EDARADD: variants seen among roughly 807,000 people sequenced by gnomAD.
EDARADD encodes EDAR associated via death domain, also known as ectodysplasin-A receptor-associated adapter protein.
Under a neutral mutation model 25.6 loss-of-function variants are expected in EDARADD, and 20 were observed. That is an observed-to-expected ratio of 0.78 (90% CI 0.55 to 1.14). The LOEUF (loss-of-function observed/expected upper bound fraction) is 1.14. Ranked by LOEUF, EDARADD falls within the 50% of genes most tolerant of loss-of-function variation. The probability of loss-of-function intolerance (pLI) is 0.00; values close to 1 mark genes in which losing one functional copy is unlikely to be tolerated. For synonymous variants in EDARADD, 86 were observed against 94.4 expected, an observed-to-expected ratio of 0.91 and a Z score of 0.52; for missense variants, 225 against 270.1, an observed-to-expected ratio of 0.83 and a Z score of 1.17.
chr1:236,376,788 T>C (rs1033093908), intron 3 of EDARADD, among the ~76,000 whole-genome samples: 1 of 152,204 alleles, frequency 6.6e-6, no homozygotes, highest in African/African-American at 2.4e-5. Flanking sequence ...CCTTCTGATA[T>C]TCTCATTATG....
At chr1:236,358,479 G>A (rs1242359102) in intron 3 of EDARADD, among the ~76,000 whole-genome samples, 1 of 152,210 alleles carries the variant, frequency 6.6e-6, no homozygotes, top group Admixed American at 6.5e-5. Context: ...TAGTTGTGAT[G>A]TTAAGGGGTC....
intron 3 of EDARADD, among the ~76,000 whole-genome samples, chr1:236,423,173 G>C (rs1171950412): frequency 6.6e-6 from 1 of 152,156 alleles, no homozygotes; most frequent in Non-Finnish European, 1.5e-5. Flanking sequence ...AATTTACATT[G>C]AGCTGACTTG....
At chr1:236,358,777 T>G (rs1667012393) in intron 3 of EDARADD, among the ~76,000 whole-genome samples, 1 of 152,186 alleles carries the variant, frequency 6.6e-6, no homozygotes, top group African/African-American at 2.4e-5. Context: ...TGCTGAGGAG[T>G]GATTTACTTC....
At chr1:236,372,363 A>G (rs1667182924) in intron 3 of EDARADD, among the ~76,000 whole-genome samples, 1 of 152,214 alleles carries the variant, frequency 6.6e-6, no homozygotes, top group Admixed American at 6.5e-5. Context: ...ATGTTGCAAT[A>G]GGTTACATTA....
chr1:236,453,278 C>CTTTTTT (rs71672500), intron 4 of EDARADD, among the ~76,000 whole-genome samples: 6 of 133,884 alleles, frequency 4.5e-5, no homozygotes, highest in Non-Finnish European at 6.4e-5. Flanking sequence ...TTCTTTTTTT[C>CTTTTTT]TTTTTTTTTT....
chr1:236,484,502 T>C lies in EDARADD; in HGVS notation c.*1853T>C. 1 of 1,564,482 alleles carries C rather than the reference T, an allele frequency of 6.4e-7. No individual in the cohort carries two copies. The highest frequency in any genetic ancestry group is 8.8e-7 in the Non-Finnish European group (1 of 1,140,644). ...GCAGGCAAGCCCTTCAGTCACCTGG[T>C]GGCTAATTAGACCCCTCCCCTTGTG... On this transcript the variant is annotated 3_prime_UTR_variant, in exon 6 of 6. Transcript: ENST00000334232. The surrounding 1 kb of genome is among the most constrained non-coding windows in gnomAD (Gnocchi z 4.1).
chr1:236,458,931 C>G (rs956752215), intron 4 of EDARADD, among the ~76,000 whole-genome samples: 1 of 151,758 alleles, frequency 6.6e-6, no homozygotes, highest in Non-Finnish European at 1.5e-5. Context: ...CGTGAGCCAC[C>G]GCCCCCAGCC....
chr1:236,469,546 A>G (rs1410365511), intron 5 of EDARADD, among the ~76,000 whole-genome samples: 1 of 152,166 alleles, frequency 6.6e-6, no homozygotes, highest in Admixed American at 6.6e-5. Context: ...CATCTTGTAA[A>G]GCATACATTG....
chr1:236,431,907 G>A (rs1225054041), intron 4 of EDARADD, among the ~76,000 whole-genome samples: 1 of 128,202 alleles, frequency 7.8e-6, no homozygotes, highest in African/African-American at 3.1e-5. Context: ...CGACCTGGGC[G>A]ACAGAGCGAG....
intron 3 of EDARADD, among the ~76,000 whole-genome samples, chr1:236,423,301 A>C (rs562093333): frequency 6.6e-6 from 1 of 152,304 alleles, no homozygotes; most frequent in South Asian, 2.1e-4. Flanking sequence ...AGAGAGGGTC[A>C]ATAGCTATTT....
At chr1:236,463,513 G>C (rs552875137) in intron 4 of EDARADD, among the ~76,000 whole-genome samples, 2 of 152,164 alleles carry the variant, frequency 1.3e-5, no homozygotes, top group Non-Finnish European at 2.9e-5. Context: ...GGTTGGTCTC[G>C]AACTCCCGAC....
chr1:236,368,507 C>G (rs923075021), intron 3 of EDARADD, among the ~76,000 whole-genome samples: 3 of 141,350 alleles, frequency 2.1e-5, no homozygotes, highest in African/African-American at 8.0e-5. Flanking sequence ...GTGGCGCTAT[C>G]TCAGCTCACT....
At chr1:236,462,818 A>G (rs1659073779) in intron 4 of EDARADD, among the ~76,000 whole-genome samples, 1 of 152,234 alleles carries the variant, frequency 6.6e-6, no homozygotes, top group Admixed American at 6.5e-5. Flanking sequence ...AAAGTTTTAC[A>G]AAATGGGGGT....
intron 4 of EDARADD, among the ~76,000 whole-genome samples, chr1:236,466,375 TTCTC>T (rs1380569181): frequency 6.6e-6 from 1 of 151,924 alleles, no homozygotes; most frequent in African/African-American, 2.4e-5. Flanking sequence ...CTCACTATAA[TTCTC>T]TCTTTCTGTC....
chr1:236,361,744 C>G (rs1667053794), intron 3 of EDARADD, among the ~76,000 whole-genome samples: 1 of 149,796 alleles, frequency 6.7e-6, no homozygotes, highest in Non-Finnish European at 1.5e-5. Flanking sequence ...TCAGTGGTCC[C>G]TTTTTATTGT....
At chr1:236,373,055 A>G (rs1033657346) in intron 3 of EDARADD, among the ~76,000 whole-genome samples, 2 of 149,824 alleles carry the variant, frequency 1.3e-5, no homozygotes, top group Admixed American at 6.7e-5. Flanking sequence ...AGCTGGGACT[A>G]CAGGCGCTTG....
At chr1:236,432,475 A>G (rs941477254) in intron 4 of EDARADD, among the ~76,000 whole-genome samples, 2 of 152,208 alleles carry the variant, frequency 1.3e-5, no homozygotes, top group African/African-American at 4.8e-5. Context: ...AAAAATAAGA[A>G]AAATAATAAA....
rs546154109 is a variant in EDARADD, at chr1:236,456,861, G to C, written c.220-11370G>C. ...CGTCCTGTGGCCTCACTGACCCAGC[G>C]TCATGCCCTGGTCAAGCATTTTGGT... On this transcript the variant is annotated intron_variant, in intron 4 of 5. Coordinates refer to ENST00000334232, the MANE Select transcript of EDARADD (RefSeq NM_145861.4). Among the ~76,000 whole-genome samples, 6 of 152,158 alleles carry C rather than the reference G, an allele frequency of 3.9e-5. No homozygotes were observed. The South Asian group carries it at 1.2e-3, about 32-fold the overall frequency.
intron 3 of EDARADD, among the ~76,000 whole-genome samples, chr1:236,365,147 T>C (rs1025046455): frequency 5.5e-5 from 6 of 108,854 alleles, no homozygotes; most frequent in African/African-American, 2.3e-4. Flanking sequence ...AGGTTTTCTT[T>C]TCTTTTTTTT....
Sources: allele counts gnomAD v4.1 joint callset (sites outside exome capture counted in the v4.1 genomes callset), GRCh38; gene constraint gnomAD v4.1.1; non-coding constraint Gnocchi (gnomAD v3.1); transcripts MANE v1.5; gene names NCBI Gene and HGNC (gene_info 2026-07-23, HGNC 2026-07-21).